The following CISH variants were observed in gnomAD, a reference collection of about 807,000 sequenced individuals.
CISH encodes cytokine-inducible SH2-containing protein.
A neutral mutation model predicts 21.3 loss-of-function variants in CISH; 11 were observed. That is an observed-to-expected ratio of 0.52 (90% CI 0.32 to 0.85). CISH has a LOEUF of 0.85. CISH is among the 40% of genes least tolerant of loss of function. CISH has a pLI of 0.03. For synonymous variants in CISH, 118 were observed against 142.3 expected, an observed-to-expected ratio of 0.83 and a Z score of 1.22; for missense variants, 280 against 351.7, an observed-to-expected ratio of 0.80 and a Z score of 1.63.
intron 2 of CISH, 108 bp from the exon 3 acceptor site, chr3:50,608,250 C>T: frequency 6.9e-7 from 1 of 1,459,712 alleles, no homozygotes; most frequent in South Asian, 1.3e-5. Context: ...CTAGAGAGGG[C>T]TGTGCCTCTC....
At chr3:50,610,517 AG>A (rs1181106888) in intron 1 of CISH, 1 of 1,548,410 alleles carries the variant, frequency 6.5e-7, no homozygotes, top group African/African-American at 1.4e-5. Context: ...TGAGCTTACA[AG>A]GGGGTGCTCA....
At chr3:50,610,135 C>T in intron 1 of CISH, 1 of 570,082 alleles carries the variant, frequency 1.8e-6, no homozygotes, top group Non-Finnish European at 3.2e-6. Context: ...GGAAATCCCT[C>T]TTGGAGAGCT....
At position 50,608,570 on chromosome 3, in the gene CISH, T is replaced by C. The variant is rs1185329985; in HGVS notation, c.44A>G (p.Glu15Gly). The stretch of plus-strand genomic sequence containing the variant: ...CCACAGGGGCCGCTGCCCAGTCCGC[T>C]CCACAGCCAGCAAAGGACGAGGTCT... Reference protein sequence around the residue: ...VQGPRPLLAVERTGQRPLWAP... With the variant: ...VQGPRPLLAVGRTGQRPLWAP... The change falls in exon 2 of 3, where the codon GAG becomes GGG. Residue 15 changes from glutamate (E) to glycine (G), a missense_variant. By Grantham distance (98) the Glu-to-Gly change is moderately conservative (BLOSUM62 -2). Coordinates refer to ENST00000348721, the MANE Select transcript of CISH (RefSeq NM_145071.4). 6.5e-7 allele frequency: 1 copy of C among 1,547,042 alleles called. No homozygotes were observed. The highest frequency in any genetic ancestry group is 8.7e-7 in the Non-Finnish European group (1 of 1,150,012).
At position 50,606,507 on chromosome 3, in the gene CISH, T is replaced by G. The variant is rs1433072792; in HGVS notation, c.*1100A>C. 1 of 152,252 alleles carries G rather than the reference T, an allele frequency of 6.6e-6. No homozygotes were observed. 9.4% of individuals were successfully genotyped at this position (152,252 alleles called of 1,614,324 possible). A position where few individuals can be genotyped will look rare whatever the true frequency, so the allele number is the denominator to read the frequency against. On this transcript the variant is annotated 3_prime_UTR_variant, in exon 3 of 3. Coordinates refer to ENST00000348721, the MANE Select transcript of CISH (RefSeq NM_145071.4). ...GGCTCTGTACATGAAAGGTATCATTTTATTATAGAGGTAATAAAATAAAGA... is the reference window on the plus strand; with the variant it reads ...GGCTCTGTACATGAAAGGTATCATTGTATTATAGAGGTAATAAAATAAAGA...
Position 50,611,700 on chromosome 3 carries a change from C to A in CISH, c.-50G>T. 3.4e-6 allele frequency: 5 copies of A among 1,450,292 alleles called. No individual in the cohort carries two copies. The highest frequency in any genetic ancestry group is 4.5e-6 in the Non-Finnish European group (5 of 1,102,238). 89.8% of individuals were successfully genotyped at this position (1,450,292 alleles called of 1,614,324 possible). ...GAGTGGGGACTCGGCTGGACGGCGG[C>A]GGCTGGAGGGAACCAGTGGGCGCGG... On this transcript the variant is annotated 5_prime_UTR_variant, in exon 1 of 3. Transcript: ENST00000348721.
In CISH at chr3:50,606,626, T is replaced by C. The variant is rs1244680222; in HGVS notation, c.*981A>G. ...CTATAATTATTATTTCATGAAGTCT[T>C]ATCAGACGTGTATTTCTCTCCTCTC... is the stretch of plus-strand genomic sequence containing the variant. On this transcript the variant is annotated 3_prime_UTR_variant, in exon 3 of 3. Coordinates refer to ENST00000348721, the MANE Select transcript of CISH (RefSeq NM_145071.4). 1 of 152,200 alleles carries C rather than the reference T, an allele frequency of 6.6e-6. No individual in the cohort carries two copies. The highest frequency in any genetic ancestry group is 1.5e-5 in the Non-Finnish European group (1 of 68,044). 9.4% of individuals were successfully genotyped at this position (152,200 alleles called of 1,614,324 possible).
At chr3:50,611,391 G>A in intron 1 of CISH, 1 of 1,358,072 alleles carries the variant, frequency 7.4e-7, no homozygotes, top group Non-Finnish European at 9.4e-7. Context: ...CACCCTGTGA[G>A]TTCCTCCTTT....
rs755895848 is a variant in CISH at position 50,608,051 on chromosome 3, G to A, written c.333C>T (p.His111=). The A allele has an allele frequency of 6.2e-7, 1 of 1,613,920 alleles. No individual in the cohort carries two copies. The highest frequency in any genetic ancestry group is 1.1e-5 in the South Asian group (1 of 91,080). Residue 111 remains histidine, a synonymous_variant, in exon 3 of 3, where the codon CAC becomes CAT. Coordinates refer to ENST00000348721, the MANE Select transcript of CISH (RefSeq NM_145071.4). Reference sequence around the variant, plus strand: ...CTGACAGCGTGAACAGGTAGCTGGGGTGCGTGCTGTCACGTACTAAGAACG... The same window carrying A: ...CTGACAGCGTGAACAGGTAGCTGGGATGCGTGCTGTCACGTACTAAGAACG... ...EGTFLVRDST[H]PSYLFTLSVK...
chr3:50,608,350 C>T (rs2032221142), intron 2 of CISH, 23 bp downstream of exon 2: 2 of 1,570,404 alleles, frequency 1.3e-6, no homozygotes, highest in Non-Finnish European at 1.7e-6. Context: ...CAGGAAAAGG[C>T]CTGCCTCCCC....
At chr3:50,609,925 G>A in intron 1 of CISH, 1 of 166,596 alleles carries the variant, frequency 6.0e-6, no homozygotes, top group Non-Finnish European at 1.3e-5. Flanking sequence ...CGCCAGTATT[G>A]CTTGTGAGGC....
chr3:50,610,630 G>T, intron 1 of CISH: 1 of 1,438,322 alleles, frequency 7.0e-7, no homozygotes. Context: ...GTCCCAGAAT[G>T]CAGACAGGAG....
At chr3:50,611,598 G>T (rs1354348114) in intron 1 of CISH, 33 bp downstream of exon 1, 2 of 1,522,958 alleles carry the variant, frequency 1.3e-6, no homozygotes, top group East Asian at 2.7e-5. Context: ...GCCCCTCGTG[G>T]TGGCCGGGAA....
chr3:50,608,166 A>T (rs200844383), intron 2 of CISH, 24 bp from the exon 3 acceptor site: 4 of 1,580,674 alleles, frequency 2.5e-6, no homozygotes, highest in Non-Finnish European at 3.4e-6. Flanking sequence ...GAGGGGGCCA[A>T]GGGACATAGT....
At chr3:50,611,355 G>A (rs1204746193) in intron 1 of CISH, 6 of 1,345,762 alleles carry the variant, frequency 4.5e-6, no homozygotes, top group Non-Finnish European at 9.5e-7. Flanking sequence ...GCATCCATCT[G>A]CTCCAATGAG....
rs997713781 is a variant in CISH at position 50,611,682 on chromosome 3, G to A, written c.-32C>T. ...GCGGCAGCGGCGACTCCGGAGTGGG[G>A]ACTCGGCTGGACGGCGGCGGCTGGA... On this transcript the variant is annotated 5_prime_UTR_variant, in exon 1 of 3. Coordinates refer to ENST00000348721, the MANE Select transcript of CISH (RefSeq NM_145071.4). The A allele has an allele frequency of 8.2e-6, 12 of 1,465,910 alleles. No individual in the cohort carries two copies. The highest frequency in any genetic ancestry group is 9.9e-6 in the Non-Finnish European group (11 of 1,109,654). 90.8% of individuals were successfully genotyped at this position (1,465,910 alleles called of 1,614,324 possible).
chr3:50,610,176 T>C, intron 1 of CISH: 1 of 619,020 alleles, frequency 1.6e-6, no homozygotes, highest in Non-Finnish European at 2.8e-6. Context: ...ACCTGCTTGC[T>C]GGGGCCCAGA....
chr3:50,610,219 C>G, intron 1 of CISH: 6 of 814,144 alleles, frequency 7.4e-6, no homozygotes, highest in Non-Finnish European at 9.9e-6. Context: ...TGGTGGCTAG[C>G]CAGTCAGGCT....
rs1182858291 is a variant in CISH, at chr3:50,611,747, C to G, written c.-97G>C. ...GCGGAGCGCGTGCTGGGTAGGCTCC[C>G]GGGGCGCGCGGGCGCAGGACAGGGA... On this transcript the variant is annotated 5_prime_UTR_variant, in exon 1 of 3. Transcript: ENST00000348721. The G allele has an allele frequency of 7.2e-7, 1 of 1,380,832 alleles. No individual in the cohort carries two copies. The highest frequency in any genetic ancestry group is 9.4e-7 in the Non-Finnish European group (1 of 1,067,802). 85.5% of individuals were successfully genotyped at this position (1,380,832 alleles called of 1,614,324 possible).
Position 50,608,519 on chromosome 3 carries a change from G to A in CISH, c.95C>T (p.Pro32Leu). 2 of 1,608,192 alleles carry A rather than the reference G, an allele frequency of 1.2e-6. No homozygotes were observed. The highest frequency in any genetic ancestry group is 2.7e-5 in the African/African-American group (2 of 74,888). Residue 32 changes from proline (P) to leucine (L), a missense_variant, in exon 2 of 3, where the codon CCA becomes CTA. Coordinates refer to ENST00000348721, the MANE Select transcript of CISH (RefSeq NM_145071.4). The part of the protein sequence containing the change: ...LWAPSLELPK[P>L]VMQPLPAGAF... ...CCCAGCAGGCAAGGGCTGCATGACTGGCTTGGGCAGTTCCAGGGACGGGGC... is the reference window on the plus strand; with the variant it reads ...CCCAGCAGGCAAGGGCTGCATGACTAGCTTGGGCAGTTCCAGGGACGGGGC...
Sources: gnomAD v4.1 joint callset for allele counts on GRCh38, gnomAD v4.1.1 for gene constraint, MANE v1.5 for transcripts, NCBI Gene and HGNC (gene_info 2026-07-23, HGNC 2026-07-21) for gene names.